EPB41: variants seen among roughly 807,000 people sequenced by gnomAD.
EPB41 encodes the protein protein 4.1.
Under a neutral mutation model 108.0 loss-of-function variants are expected in EPB41, and 65 were observed. That is an observed-to-expected ratio of 0.60 (90% CI 0.49 to 0.74). EPB41 has a LOEUF of 0.74. Among genes scored for constraint, EPB41 ranks in the 30% least tolerant of loss-of-function variants. The pLI is 0.00. For synonymous variants in EPB41, 336 were observed against 358.9 expected (o/e 0.94, Z 0.72); for missense variants, 875 against 1,037.0 (o/e 0.84, Z 2.15).
At chr1:29,009,739 T>C (rs2096467772) in intron 4 of EPB41, among the ~76,000 whole-genome samples, 1 of 152,202 alleles carries the variant, frequency 6.6e-6, no homozygotes, top group Non-Finnish European at 1.5e-5. Flanking sequence ...AGGTCACGCC[T>C]TTCTGACAGG....
intron 11 of EPB41, among the ~76,000 whole-genome samples, chr1:29,047,416 ATTT>A (rs34287796): frequency 1.5e-5 from 2 of 133,852 alleles, no homozygotes. Flanking sequence ...CGCCTGGCTA[ATTT>A]TTTTTTTTTT....
chr1:29,065,423 G>A (rs894161665), intron 16 of EPB41: 120 of 373,120 alleles, frequency 3.2e-4, no homozygotes, highest in Non-Finnish European at 5.0e-4. Context: ...CATGCTTCTG[G>A]CTAATGTATG....
chr1:29,102,566 C>A (rs1665794231), intron 17 of EPB41, among the ~76,000 whole-genome samples: 1 of 151,904 alleles, frequency 6.6e-6, no homozygotes, highest in South Asian at 2.1e-4. Flanking sequence ...ATAGCATAGA[C>A]ATAGCCAAAA....
chr1:29,092,897 G>T lies in EPB41; in HGVS notation c.2185-4910G>T, dbSNP rs191040591. Among the ~76,000 whole-genome samples the T allele has an allele frequency of 6.9e-4, 105 of 152,146 alleles. 1 individual carries two copies. The South Asian group carries it at 7.7e-3, about 11-fold the overall frequency. On this transcript the variant is annotated intron_variant, in intron 16 of 20. Coordinates refer to ENST00000343067, the MANE Select transcript of EPB41 (RefSeq NM_001376013.1). ...AGGACATGAGCTCGTTCTTTTTTAT[G>T]GCTGCATAGTATTCCATGGTATATA...
chr1:28,915,156 G>A (rs574145935), intron 1 of EPB41, among the ~76,000 whole-genome samples: 16 of 152,314 alleles, frequency 1.1e-4, no homozygotes, highest in African/African-American at 2.4e-4. Flanking sequence ...GGTGTTGCGT[G>A]CAGCCGCGGA....
At chr1:29,064,617 T>G (rs967468380) in intron 15 of EPB41, among the ~76,000 whole-genome samples, 2 of 152,190 alleles carry the variant, frequency 1.3e-5, no homozygotes, top group Non-Finnish European at 2.9e-5. Flanking sequence ...AAATAATTTC[T>G]TATCAAGCTG....
At chr1:28,988,991 T>A (rs2095941449) in intron 2 of EPB41, among the ~76,000 whole-genome samples, 1 of 152,238 alleles carries the variant, frequency 6.6e-6, no homozygotes, top group Non-Finnish European at 1.5e-5. Context: ...TGAGATGGTT[T>A]AGAGTTCATT....
In EPB41 at chr1:29,053,797, G is replaced by A. The variant is rs1166771888; in HGVS notation, c.1845+485G>A. 6 of 156,640 alleles carry A rather than the reference G, an allele frequency of 3.8e-5. No individual in the cohort carries two copies. In the South Asian group the frequency reaches 7.3e-4, roughly 19 times the overall value. 9.7% of individuals were successfully genotyped at this position (156,640 alleles called of 1,614,324 possible). On this transcript the variant is annotated intron_variant, in intron 12 of 20. Transcript: ENST00000343067. ...GATGGTCTTGATCTCCTGACCTTGT[G>A]ATCCGCCCGCCTCGGCCTCCCAAAG...
intron 12 of EPB41, among the ~76,000 whole-genome samples, chr1:29,055,302 A>G (rs992234303): frequency 6.6e-6 from 1 of 152,184 alleles, no homozygotes; most frequent in Admixed American, 6.5e-5. Context: ...ACTAACTAAA[A>G]AGTGTTGGAT....
chr1:28,941,393 C>A (rs1230568568), intron 1 of EPB41, among the ~76,000 whole-genome samples: 6 of 151,688 alleles, frequency 4.0e-5, no homozygotes, highest in Admixed American at 2.0e-4. Flanking sequence ...AAATAAAAAA[C>A]CAATAATGGG....
intron 6 of EPB41, among the ~76,000 whole-genome samples, chr1:29,017,343 A>G (rs925418035): frequency 7.2e-5 from 11 of 152,222 alleles, no homozygotes; most frequent in Non-Finnish European, 1.5e-4. Context: ...GGAATTGTCA[A>G]TTTAATAATA....
chr1:29,032,986 A>G (rs993758827), intron 8 of EPB41, 107 bp from the exon 9 acceptor site: 1 of 1,085,072 alleles, frequency 9.2e-7, no homozygotes, highest in Non-Finnish European at 1.4e-6. Flanking sequence ...TTTTCATTGT[A>G]TGTTTTGTAA....
chr1:28,993,247 T>G (rs1399101421), intron 2 of EPB41, 83 bp from the exon 3 acceptor site: 2 of 1,102,302 alleles, frequency 1.8e-6, no homozygotes, highest in Non-Finnish European at 2.8e-6. Flanking sequence ...CTTTTATTGG[T>G]AAGATTATTA....
intron 5 of EPB41, among the ~76,000 whole-genome samples, 186 bp downstream of exon 5, chr1:29,012,093 A>G (rs2096512602): frequency 6.6e-6 from 1 of 151,340 alleles, no homozygotes; most frequent in African/African-American, 2.4e-5. Flanking sequence ...AGAGGTGGAT[A>G]CTATTGAGAT....
intron 4 of EPB41, among the ~76,000 whole-genome samples, chr1:29,004,682 T>C (rs1439657424): frequency 6.6e-6 from 1 of 152,220 alleles, no homozygotes; most frequent in Non-Finnish European, 1.5e-5. Flanking sequence ...ACACCTCTAA[T>C]GAATTTAAAT....
Position 29,035,752 on chromosome 1 carries a change from G to A in EPB41, c.1366-74G>A, listed in dbSNP as rs553062899. On this transcript the variant is annotated intron_variant, in intron 9 of 20. Transcript: ENST00000343067. ...TCTTCTGTGGCACCATATTTCTCTGGTACTGTATCACTGTAATCTGGTACT... is the reference window on the plus strand; with the variant it reads ...TCTTCTGTGGCACCATATTTCTCTGATACTGTATCACTGTAATCTGGTACT... 4.6e-6 allele frequency: 5 copies of A among 1,087,720 alleles called. No individual in the cohort carries two copies. The African/African-American group carries it at 7.8e-5, about 17-fold the overall frequency. The allele number at this position is 1,087,720 out of a possible 1,614,324, so 67.4% of individuals were successfully genotyped here. A position where few individuals can be genotyped will look rare whatever the true frequency, so the allele number is the denominator to read the frequency against.
Position 29,115,005 on chromosome 1 carries a change from G to A in EPB41, c.2497-694G>A, listed in dbSNP as rs1028544242. The stretch of plus-strand genomic sequence containing the variant: ...CGTCCTGAACTTGCCACTTACCCAT[G>A]CTGAACACAGATGTTGTTTTGTCCT... On this transcript the variant is annotated intron_variant, in intron 19 of 20. Coordinates refer to ENST00000343067, the MANE Select transcript of EPB41 (RefSeq NM_001376013.1). This position sits in a 1 kb window ranked among gnomAD's most constrained non-coding sequence, Gnocchi z 4.4. Among the ~76,000 whole-genome samples, 4 of 152,038 alleles carry A rather than the reference G, an allele frequency of 2.6e-5. No individual in the cohort carries two copies. Among genetic ancestry groups the A allele is most frequent in the African/African-American group, 9.7e-5 (4 of 41,396 alleles).
intron 16 of EPB41, among the ~76,000 whole-genome samples, chr1:29,090,750 CAAAAA>C (rs894036935): frequency 6.6e-6 from 1 of 152,102 alleles, no homozygotes; most frequent in Non-Finnish European, 1.5e-5. Flanking sequence ...AACCCTGTCT[CAAAAA>C]GAAAAGAAAT....
At chr1:28,902,476 G>T in intron 1 of EPB41, 1 of 726,218 alleles carries the variant, frequency 1.4e-6, no homozygotes, top group Non-Finnish European at 1.7e-6. Flanking sequence ...TGGGAGCCAG[G>T]CTTGGAGCAG....
Sources: gnomAD v4.1 joint callset for allele counts (sites outside exome capture counted in the v4.1 genomes callset) on GRCh38, gnomAD v4.1.1 for gene constraint, Gnocchi (gnomAD v3.1) non-coding constraint, MANE v1.5 for transcripts, NCBI Gene and HGNC (gene_info 2026-07-23, HGNC 2026-07-21) for gene names.